Variants in MYT1L observed in about 807,000 individuals in gnomAD.
The protein encoded by MYT1L is myelin transcription factor 1 like.
MYT1L carries 12 observed loss-of-function variants against 126.7 expected under a neutral mutation model. The ratio of observed to expected loss-of-function variants is 0.09; its 90% CI spans 0.06 to 0.15. The LOEUF is 0.15. Ranked by LOEUF, MYT1L falls within the 10% of genes least tolerant of loss-of-function variation. The pLI is 1.00. For missense variants in MYT1L, 979 were observed against 1,585.2 expected (o/e 0.62, Z 6.49); for synonymous variants, 541 against 604.2 (o/e 0.90, Z 1.53).
intron 3 of MYT1L, among the ~76,000 whole-genome samples, chr2:2,166,440 G>A (rs905845340): frequency 6.6e-6 from 1 of 152,192 alleles, no homozygotes; most frequent in Non-Finnish European, 1.5e-5. Flanking sequence ...GCATAACTGT[G>A]TATTATAATG....
In MYT1L at chr2:2,295,593, C is replaced by CAGAG. The variant is rs376553600; in HGVS notation, c.-520-11094_-520-11091dup. ...AGAGAGAGAGAGAGAGACAGACAGACAGAGAGAGAGACAGACAGAGAGAGA... is the reference window on the plus strand; with the variant it reads ...AGAGAGAGAGAGAGAGACAGACAGACAGAGAGAGAGAGAGACAGACAGAGAGAGA... On this transcript the variant is annotated intron_variant, in intron 1 of 24. Transcript: ENST00000647738. 5.8e-4 allele frequency among the ~76,000 whole-genome samples: 12 copies of CAGAG among 20,820 alleles called. 1 individual carries two copies. Among genetic ancestry groups the CAGAG allele is most frequent in the East Asian group, 2.1e-3 (1 of 476 alleles). 13.7% of individuals were successfully genotyped at this position (20,820 alleles called of 152,430 possible). A position where few individuals can be genotyped will look rare whatever the true frequency, so the allele number is the denominator to read the frequency against.
intron 20 of MYT1L, among the ~76,000 whole-genome samples, chr2:1,840,499 T>C (rs1170536232): frequency 6.6e-6 from 1 of 152,080 alleles, no homozygotes; most frequent in African/African-American, 2.4e-5. Context: ...GAAGGCTTGT[T>C]TTTGGGGATT....
chr2:2,143,980 G>A (rs2084464931), intron 3 of MYT1L, among the ~76,000 whole-genome samples: 1 of 150,528 alleles, frequency 6.6e-6, no homozygotes, highest in Non-Finnish European at 1.5e-5. Context: ...GGAGGGAGGG[G>A]CGCAAGGGTT....
At chr2:2,231,283 A>T (rs2094153826) in intron 2 of MYT1L, among the ~76,000 whole-genome samples, 1 of 151,752 alleles carries the variant, frequency 6.6e-6, no homozygotes, top group African/African-American at 2.4e-5. Context: ...TCACCCATTC[A>T]TTTTCCGTCT....
At chr2:2,287,314 A>G (rs1415615691) in intron 1 of MYT1L, among the ~76,000 whole-genome samples, 2 of 152,006 alleles carry the variant, frequency 1.3e-5, no homozygotes, top group Non-Finnish European at 2.9e-5. Flanking sequence ...GGAGCTTACA[A>G]GACTTTAGGT....
At chr2:2,268,274 T>G (rs1185306034) in intron 2 of MYT1L, among the ~76,000 whole-genome samples, 2 of 152,172 alleles carry the variant, frequency 1.3e-5, no homozygotes, top group Non-Finnish European at 2.9e-5. Flanking sequence ...ACCTCTATAA[T>G]ACAGAAATTT....
chr2:2,234,226 C>T (rs534939927), intron 2 of MYT1L, among the ~76,000 whole-genome samples: 116 of 152,270 alleles, frequency 7.6e-4, no homozygotes, highest in African/African-American at 2.6e-3. Flanking sequence ...TTGCCCTTTT[C>T]TAAATCATTT....
At chr2:1,857,368 C>T (rs973324586) in intron 18 of MYT1L, among the ~76,000 whole-genome samples, 1 of 152,200 alleles carries the variant, frequency 6.6e-6, no homozygotes, top group Admixed American at 6.5e-5. Context: ...GATTAATGAT[C>T]TCTGAGGCTG....
chr2:2,051,509 T>C (rs1229290594), intron 4 of MYT1L, among the ~76,000 whole-genome samples: 8 of 152,184 alleles, frequency 5.3e-5, no homozygotes, highest in Admixed American at 1.3e-4. Flanking sequence ...CACCAGCGTA[T>C]CTTCAATCAC....
intron 24 of MYT1L, 72 bp downstream of exon 24, chr2:1,792,249 A>G: frequency 6.8e-7 from 1 of 1,477,998 alleles, no homozygotes; most frequent in East Asian, 2.5e-5. Flanking sequence ...AATAACGATA[A>G]AAACGGCATC....
At chr2:1,802,181 G>A (rs1261893880) in intron 22 of MYT1L, among the ~76,000 whole-genome samples, 2 of 152,174 alleles carry the variant, frequency 1.3e-5, no homozygotes, top group Admixed American at 1.3e-4. Flanking sequence ...TCGACTCGCT[G>A]TCTGCATCAG....
chr2:2,047,500 A>C (rs2068333819), intron 4 of MYT1L, among the ~76,000 whole-genome samples: 1 of 152,204 alleles, frequency 6.6e-6, no homozygotes, highest in East Asian at 1.9e-4. Context: ...CTCCTTCACA[A>C]GTGAAAAGAA....
At chr2:2,217,678 AC>A (rs2093717101) in intron 2 of MYT1L, among the ~76,000 whole-genome samples, 1 of 99,694 alleles carries the variant, frequency 1.0e-5, no homozygotes. Context: ...CTCAACAACA[AC>A]AACAACAACA....
chr2:2,214,807 T>C (rs1220785311), intron 2 of MYT1L, among the ~76,000 whole-genome samples: 1 of 152,182 alleles, frequency 6.6e-6, no homozygotes, highest in Non-Finnish European at 1.5e-5. Context: ...ACTGTATGGA[T>C]AAATGCATCA....
chr2:1,911,446 C>T (rs987052498), intron 12 of MYT1L, among the ~76,000 whole-genome samples: 4 of 152,118 alleles, frequency 2.6e-5, no homozygotes, highest in African/African-American at 9.7e-5. Context: ...ATCAAGTCTG[C>T]ACAGGACAGG....
At chr2:1,991,491 GCTGGTCTCAAACTC>G (rs1460556987) in intron 5 of MYT1L, among the ~76,000 whole-genome samples, 2 of 152,026 alleles carry the variant, frequency 1.3e-5, no homozygotes, top group African/African-American at 4.8e-5. Flanking sequence ...TGTTGTCCAG[GCTGGTCTCAAACTC>G]CTGGCCTCGA....
chr2:2,087,566 C>T (rs761232482), intron 3 of MYT1L, among the ~76,000 whole-genome samples: 17 of 152,154 alleles, frequency 1.1e-4, no homozygotes, highest in Non-Finnish European at 1.2e-4. Flanking sequence ...CATACAGCTT[C>T]GGCAAGGTTG....
intron 8 of MYT1L, among the ~76,000 whole-genome samples, chr2:1,951,434 C>T (rs2057743881): frequency 6.6e-6 from 1 of 152,062 alleles, no homozygotes; most frequent in South Asian, 2.1e-4. Context: ...TCAGTCATAT[C>T]CACAGGAAAC....
chr2:1,838,014 T>C (rs1219398579), intron 21 of MYT1L, among the ~76,000 whole-genome samples: 3 of 151,678 alleles, frequency 2.0e-5, no homozygotes, highest in Non-Finnish European at 4.4e-5. Context: ...TGGGTTCAAG[T>C]GATTATCCTG....
Sources: allele counts gnomAD v4.1 joint callset (sites outside exome capture counted in the v4.1 genomes callset), GRCh38; gene constraint gnomAD v4.1.1; transcripts MANE v1.5; gene names NCBI Gene and HGNC (gene_info 2026-07-23, HGNC 2026-07-21).